The following SYT1 variants were observed in gnomAD, a reference collection of about 807,000 sequenced individuals.
The protein encoded by SYT1 is synaptotagmin 1.
A neutral mutation model predicts 44.8 loss-of-function variants in SYT1; 8 were observed. That is an observed-to-expected ratio of 0.18 (90% CI 0.10 to 0.32). The LOEUF is 0.32. SYT1 is among the 10% of genes least tolerant of loss of function. SYT1 has a pLI of 1.00. For synonymous variants in SYT1, 154 were observed against 188.8 expected (o/e 0.82, Z 1.51); for missense variants, 286 against 509.3 (o/e 0.56, Z 4.22).
At chr12:78,915,158 G>T (rs115957115) in intron 1 of SYT1, among the ~76,000 whole-genome samples, 2 of 152,028 alleles carry the variant, frequency 1.3e-5, no homozygotes, top group African/African-American at 4.8e-5. Flanking sequence ...GGACTGGAAG[G>T]CAGGGAATGA....
At chr12:79,345,053 C>T (rs893851663) in intron 8 of SYT1, among the ~76,000 whole-genome samples, 1 of 152,126 alleles carries the variant, frequency 6.6e-6, no homozygotes, top group Admixed American at 6.5e-5. Context: ...CTCATGCCCT[C>T]TTGTGGACAG....
chr12:79,210,862 T>C (rs1874401151), intron 3 of SYT1, among the ~76,000 whole-genome samples: 1 of 152,168 alleles, frequency 6.6e-6, no homozygotes, highest in African/African-American at 2.4e-5. Flanking sequence ...CCAGTGGCCA[T>C]TTTACATATT....
intron 3 of SYT1, among the ~76,000 whole-genome samples, chr12:79,193,125 A>G (rs750703016): frequency 1.8e-4 from 28 of 152,214 alleles, no homozygotes; most frequent in Non-Finnish European, 3.4e-4. Context: ...GGATAATTAA[A>G]TAAATCCAGG....
chr12:79,166,515 G>A (rs1485356920), intron 3 of SYT1, among the ~76,000 whole-genome samples: 1 of 151,902 alleles, frequency 6.6e-6, no homozygotes, highest in Non-Finnish European at 1.5e-5. Flanking sequence ...GAGAAAAAAT[G>A]AGAAAATGAA....
chr12:79,191,525 C>T (rs2138451418), intron 3 of SYT1, among the ~76,000 whole-genome samples: 1 of 152,216 alleles, frequency 6.6e-6, no homozygotes, highest in African/African-American at 2.4e-5. Context: ...CTATGACATC[C>T]TGTTTTTAGT....
intron 3 of SYT1, among the ~76,000 whole-genome samples, chr12:79,127,556 CAG>C (rs1309604973): frequency 6.6e-6 from 1 of 151,598 alleles, no homozygotes; most frequent in Non-Finnish European, 1.5e-5. Flanking sequence ...GTACCTAGCT[CAG>C]AGGAGTGATG....
intron 9 of SYT1, among the ~76,000 whole-genome samples, chr12:79,434,942 T>A (rs974760079): frequency 2.6e-5 from 4 of 152,070 alleles, no homozygotes; most frequent in African/African-American, 4.8e-5. Context: ...ATTCCAAAGG[T>A]AGGTCTACCT....
At chr12:78,880,082 A>G (rs1874373145) in intron 1 of SYT1, among the ~76,000 whole-genome samples, 1 of 151,750 alleles carries the variant, frequency 6.6e-6, no homozygotes, top group South Asian at 2.1e-4. Context: ...TTATCAATTT[A>G]TCATTATATA....
At chr12:79,405,468 A>C (rs1200162637) in intron 9 of SYT1, among the ~76,000 whole-genome samples, 1 of 152,162 alleles carries the variant, frequency 6.6e-6, no homozygotes, top group Non-Finnish European at 1.5e-5. Context: ...GAAATACAAA[A>C]ATAAATCATT....
intron 9 of SYT1, among the ~76,000 whole-genome samples, chr12:79,388,198 G>A (rs1884512535): frequency 6.6e-6 from 1 of 152,162 alleles, no homozygotes; most frequent in Non-Finnish European, 1.5e-5. Flanking sequence ...TCAGGAAACT[G>A]TAGCTGGAGC....
chr12:79,136,028 T>C (rs1869168305), intron 3 of SYT1, among the ~76,000 whole-genome samples: 1 of 152,236 alleles, frequency 6.6e-6, no homozygotes, highest in Non-Finnish European at 1.5e-5. Context: ...TAAAAATTTC[T>C]TGAATGCCTG....
At chr12:79,170,943 T>TAGGG (rs1011330279) in intron 3 of SYT1, among the ~76,000 whole-genome samples, 3 of 152,104 alleles carry the variant, frequency 2.0e-5, no homozygotes, top group Admixed American at 6.6e-5. Flanking sequence ...ATTGATTGAA[T>TAGGG]AGGGAGTCCT....
chr12:79,446,036 A>ATTT (rs1870719909), intron 10 of SYT1, among the ~76,000 whole-genome samples: 1 of 68,010 alleles, frequency 1.5e-5, no homozygotes, highest in Non-Finnish European at 3.2e-5. Context: ...TATATATATT[A>ATTT]TGCCTAGGTC....
Position 79,231,600 on chromosome 12 carries a change from G to C in SYT1, c.166+13915G>C, listed in dbSNP as rs138632605. 4.1e-3 allele frequency among the ~76,000 whole-genome samples: 628 copies of C among 152,184 alleles called. 3 individuals carry two copies. Among genetic ancestry groups the C allele is most frequent in the African/African-American group, 0.014 (583 of 41,506 alleles). On this transcript the variant is annotated intron_variant, in intron 4 of 10. Coordinates refer to ENST00000261205, the MANE Select transcript of SYT1 (RefSeq NM_005639.3). ...TATCTGTCCATAAAAACTCAGAAAA[G>C]AGCCAGGATCTTGGGACAATAAACT...
intron 1 of SYT1, among the ~76,000 whole-genome samples, chr12:78,934,877 AT>A (rs1277797218): frequency 6.6e-6 from 1 of 152,136 alleles, no homozygotes; most frequent in Non-Finnish European, 1.5e-5. Flanking sequence ...GAAATCTTGA[AT>A]TTAGGAATTC....
chr12:79,356,956 A>G (rs1419887096), intron 9 of SYT1, among the ~76,000 whole-genome samples: 1 of 152,164 alleles, frequency 6.6e-6, no homozygotes, highest in Admixed American at 6.5e-5. Flanking sequence ...TTCAATGGGG[A>G]AAAAAAGTTT....
intron 3 of SYT1, among the ~76,000 whole-genome samples, chr12:79,053,237 C>T (rs1233205171): frequency 2.6e-5 from 4 of 152,084 alleles, no homozygotes; most frequent in African/African-American, 4.8e-5. Flanking sequence ...AACCATCATT[C>T]TCAGCAAACT....
intron 3 of SYT1, among the ~76,000 whole-genome samples, chr12:79,087,967 C>T (rs1382562181): frequency 2.6e-5 from 4 of 152,034 alleles, no homozygotes; most frequent in Admixed American, 6.6e-5. Flanking sequence ...CCTTAGGGTA[C>T]ACTCAGTGAC....
At chr12:79,403,085 G>A (rs1031077760) in intron 9 of SYT1, among the ~76,000 whole-genome samples, 10 of 152,282 alleles carry the variant, frequency 6.6e-5, no homozygotes, top group Middle Eastern at 3.4e-3. Flanking sequence ...ATTAGATGAC[G>A]GGTGTATATG....
Sources: allele counts gnomAD v4.1 joint callset (sites outside exome capture counted in the v4.1 genomes callset), GRCh38; gene constraint gnomAD v4.1.1; transcripts MANE v1.5; gene names NCBI Gene and HGNC (gene_info 2026-07-23, HGNC 2026-07-21).